Variants in ZBTB11 observed in about 807,000 individuals in gnomAD.
ZBTB11 encodes zinc finger and BTB domain containing 11.
A neutral mutation model predicts 113.1 loss-of-function variants in ZBTB11; 68 were observed. That is an observed-to-expected ratio of 0.60 (90% CI 0.49 to 0.74). The LOEUF is 0.74. Ranked by LOEUF, ZBTB11 falls within the 30% of genes least tolerant of loss-of-function variation. The probability of loss-of-function intolerance (pLI) is 0.00; values close to 1 mark genes in which losing one functional copy is unlikely to be tolerated. For missense variants in ZBTB11, 1,104 were observed against 1,279.4 expected (o/e 0.86, Z 2.09); for synonymous variants, 518 against 452.6 (o/e 1.14, Z -1.83).
At chr3:101,667,421 A>G (rs1362792282) in intron 3 of ZBTB11, among the ~76,000 whole-genome samples, 2 of 152,194 alleles carry the variant, frequency 1.3e-5, no homozygotes, top group Admixed American at 6.5e-5. Context: ...TTCTAATACA[A>G]TAATTTATCT....
rs776610642 is a variant in ZBTB11, at chr3:101,652,895, T to C, written c.2353A>G (p.Met785Val). Residue 785 changes from methionine to valine, a missense_variant, in exon 9 of 11, where the codon ATG (methionine) becomes GTG (valine). Physicochemically the swap from Met to Val is conservative, Grantham distance 21. Transcript: ENST00000312938. ...FFEARDLRQHMNKHLGVKPFQ... is the reference protein window; with the variant it reads ...FFEARDLRQHVNKHLGVKPFQ... ...GGCTTCACACCAAGATGTTTGTTCA[T>C]GTGCTGGCGAAGATCTCTAGCTTCA... 1.2e-6 allele frequency: 2 copies of C among 1,613,796 alleles called. No individual in the cohort carries two copies. The highest frequency in any genetic ancestry group is 1.7e-5 in the Admixed American group (1 of 59,838).
rs139913060 is a variant in ZBTB11, at chr3:101,665,529, C to T, written c.1058G>A (p.Ser353Asn). 1.4e-5 allele frequency: 23 copies of T among 1,614,102 alleles called. No homozygotes were observed. The highest frequency in any genetic ancestry group is 6.8e-6 in the Non-Finnish European group (8 of 1,180,048). Residue 353 changes from serine to asparagine, a missense_variant, in exon 4 of 11, where the codon AGT (serine) becomes AAT (asparagine). Around this residue, in one of 5 missense-constraint regions of ZBTB11, gnomAD observed 535 missense variants for 518.6 expected, o/e 1.03. Coordinates refer to ENST00000312938, the MANE Select transcript of ZBTB11 (RefSeq NM_014415.4). ...ACAATCCCCAAGTTCAGTAGGTAAA[C>T]TTGTTGTGGTTCCCTCACTGCTAGC... ...PVASSEGTTT[S>N]LPTELGDCEI...
chr3:101,664,816 C>G, intron 4 of ZBTB11, 102 bp from the exon 5 acceptor site: 1 of 1,464,058 alleles, frequency 6.8e-7, no homozygotes, highest in Non-Finnish European at 9.2e-7. Context: ...TTCACATTAT[C>G]TTATTAATAC....
intron 8 of ZBTB11, among the ~76,000 whole-genome samples, chr3:101,653,370 T>G (rs1936739370): frequency 6.6e-6 from 1 of 152,156 alleles, no homozygotes; most frequent in Non-Finnish European, 1.5e-5. Flanking sequence ...CTTAACTTGA[T>G]GTAAATGGAG....
intron 3 of ZBTB11, among the ~76,000 whole-genome samples, chr3:101,669,734 T>A (rs961031528): frequency 6.6e-5 from 10 of 152,176 alleles, no homozygotes; most frequent in Admixed American, 6.5e-4. Context: ...CTCCAAAAAG[T>A]TTTTGCTCAT....
rs1363487286 is a variant in ZBTB11, at chr3:101,665,036, A to G, written c.1551T>C (p.Tyr517=). The change falls in exon 4 of 11, where the codon TAT becomes TAC. Residue 517 remains tyrosine (Y), a synonymous_variant. Coordinates refer to ENST00000312938, the MANE Select transcript of ZBTB11 (RefSeq NM_014415.4). ...TCTCCATTCCCTTGTGTAGTCGAAT[A>G]TATGCCCCTTCATTAACAGAACGTT... ...LRQRSVNEGA[Y]IRLHKGMEKK... The G allele has an allele frequency of 6.2e-7, 1 of 1,614,072 alleles. No homozygotes were observed. Among genetic ancestry groups the G allele is most frequent in the Non-Finnish European group, 8.5e-7 (1 of 1,180,024 alleles).
chr3:101,659,071 T>G (rs1214095283), intron 6 of ZBTB11, among the ~76,000 whole-genome samples: 1 of 152,052 alleles, frequency 6.6e-6, no homozygotes, highest in Non-Finnish European at 1.5e-5. Flanking sequence ...AGGCCCCATC[T>G]CCACAAAATT....
At chr3:101,676,399 G>A in intron 1 of ZBTB11, 1 of 518,198 alleles carries the variant, frequency 1.9e-6, no homozygotes, top group Non-Finnish European at 3.1e-6. Context: ...CAGGGCCAGG[G>A]CCCGCCCCCA....
Position 101,671,959 on chromosome 3 carries a change from A to C in ZBTB11, c.546+19T>G. ...ACACTAGTTACAAATCTTAAAGCTG[A>C]CTGGAGAGTACCACTTACAAACACA... On this transcript the variant is annotated intron_variant, in intron 2 of 10. Coordinates refer to ENST00000312938, the MANE Select transcript of ZBTB11 (RefSeq NM_014415.4). The C allele has an allele frequency of 6.3e-7, 1 of 1,586,858 alleles. No homozygotes were observed. The highest frequency in any genetic ancestry group is 8.7e-7 in the Non-Finnish European group (1 of 1,155,144).
Position 101,664,805 on chromosome 3 carries a change from A to G in ZBTB11, c.1624-91T>C, listed in dbSNP as rs940593050. ...TAAATTTCTAACAAAAAGATTTCAA[A>G]TTCACATTATCTTATTAATACTGGC... On this transcript the variant is annotated intron_variant, in intron 4 of 10. Coordinates refer to ENST00000312938, the MANE Select transcript of ZBTB11 (RefSeq NM_014415.4). The G allele has an allele frequency of 8.1e-6, 12 of 1,481,006 alleles. No homozygotes were observed. In the African/African-American group the frequency reaches 1.6e-4, roughly 19 times the overall value. 91.7% of individuals were successfully genotyped at this position (1,481,006 alleles called of 1,614,324 possible). A position where few individuals can be genotyped will look rare whatever the true frequency, so the allele number is the denominator to read the frequency against.
chr3:101,654,045 T>G lies in ZBTB11; in HGVS notation c.2309+659A>C, dbSNP rs371711600. 3.2e-4 allele frequency among the ~76,000 whole-genome samples: 48 copies of G among 148,190 alleles called. 1 individual carries two copies. The highest frequency in any genetic ancestry group is 1.2e-3 in the African/African-American group (47 of 40,760). ...CCCACACTACCACCCTAAAATGACT[T>G]TTTTTTTTTTTTGAGGCGGAGACTC... On this transcript the variant is annotated intron_variant, in intron 8 of 10. Coordinates refer to ENST00000312938, the MANE Select transcript of ZBTB11 (RefSeq NM_014415.4).
chr3:101,676,618 C>T lies in ZBTB11; in HGVS notation c.297G>A (p.Thr99=), dbSNP rs764338540. 2.6e-6 allele frequency: 4 copies of T among 1,510,662 alleles called. No individual in the cohort carries two copies. In the South Asian group the frequency reaches 3.9e-5, roughly 15 times the overall value. The allele number at this position is 1,510,662 out of a possible 1,614,324, so 93.6% of individuals were successfully genotyped here. A position where few individuals can be genotyped will look rare whatever the true frequency, so the allele number is the denominator to read the frequency against. The change falls in exon 1 of 11, where the codon ACG becomes ACA. Residue 99 remains threonine (T), a synonymous_variant. Coordinates refer to ENST00000312938, the MANE Select transcript of ZBTB11 (RefSeq NM_014415.4). ...GCTAGGTCTCACCTCGCCACCAGTA[C>T]GTCTTGGACAAGTAGTGCCAGGTCT... ...RHQTWHYLSK[T]YWWRGILKQV... is the part of the protein sequence containing the mutation.
intron 3 of ZBTB11, among the ~76,000 whole-genome samples, chr3:101,670,030 G>A (rs1937063418): frequency 6.6e-6 from 1 of 152,008 alleles, no homozygotes; most frequent in Non-Finnish European, 1.5e-5. Flanking sequence ...GTTTCTCCAT[G>A]TTGATCAGGC....
intron 5 of ZBTB11, among the ~76,000 whole-genome samples, chr3:101,662,416 G>A (rs1274543137): frequency 6.6e-6 from 1 of 152,172 alleles, no homozygotes; most frequent in Non-Finnish European, 1.5e-5. Flanking sequence ...CCTGAGGTCA[G>A]GAGTTCGAGA....
In ZBTB11 at chr3:101,654,754, G is replaced by C; in HGVS notation, c.2259C>G (p.His753Gln). Residue 753 changes from histidine to glutamine, a missense_variant, in exon 8 of 11, where the codon CAC (histidine) becomes CAG (glutamine). Physicochemically the swap from His to Gln is conservative, Grantham distance 24. This residue lies in a region of ZBTB11 where 535 missense variants were observed against 518.6 expected (regional missense o/e 1.03). Transcript: ENST00000312938. ...CAGGCTTTGGTTGGTGTTTCTTGAA[G>C]TGCTTGCTGAGTCCAGAGCCCCTAT... Reference protein sequence around the residue: ...SFHRGSGLSKHFKKHQPKPEV... With the variant: ...SFHRGSGLSKQFKKHQPKPEV... 6.2e-7 allele frequency: 1 copy of C among 1,614,186 alleles called. No individual in the cohort carries two copies. The highest frequency in any genetic ancestry group is 8.5e-7 in the Non-Finnish European group (1 of 1,180,030).
At chr3:101,664,820 T>C in intron 4 of ZBTB11, 106 bp from the exon 5 acceptor site, 1 of 1,465,650 alleles carries the variant, frequency 6.8e-7, no homozygotes, top group South Asian at 1.4e-5. Flanking sequence ...CATTATCTTA[T>C]TAATACTGGC....
Position 101,651,604 on chromosome 3 carries a change from A to G in ZBTB11, c.2724T>C (p.His908=). The change falls in exon 11 of 11, where the codon CAT becomes CAC. Residue 908 remains histidine, a synonymous_variant. Transcript: ENST00000312938. The part of the protein sequence containing the change: ...ARSLKRHVRT[H]TGERPYVCPV... ...GACAGACATAGGGCCGTTCACCAGTATGTGTTCTGACATGGCGTTTTAGAG... is the reference window on the plus strand; with the variant it reads ...GACAGACATAGGGCCGTTCACCAGTGTGTGTTCTGACATGGCGTTTTAGAG... The G allele has an allele frequency of 1.2e-6, 2 of 1,607,184 alleles. No homozygotes were observed. The highest frequency in any genetic ancestry group is 2.3e-5 in the East Asian group (1 of 44,200).
intron 10 of ZBTB11, 132 bp from the exon 11 acceptor site, chr3:101,651,815 T>A: frequency 1.0e-6 from 1 of 964,374 alleles, no homozygotes; most frequent in Admixed American, 3.5e-5. Context: ...GTGGCAATCT[T>A]TTATTTAGGA....
rs1193547904 is a variant in ZBTB11 at position 101,676,898 on chromosome 3, C to T, written c.17G>A (p.Ser6Asn). Residue 6 changes from serine to asparagine, a missense_variant, in exon 1 of 11, where the codon AGC (serine) becomes AAC (asparagine). Physicochemically the swap from Ser to Asn is conservative, Grantham distance 46. Transcript: ENST00000312938. ...CAGGTAACGCAGGATGGCCCGGTAGCTTTCCTCGCTTGACATCGCGGACCG... is the reference window on the plus strand; with the variant it reads ...CAGGTAACGCAGGATGGCCCGGTAGTTTTCCTCGCTTGACATCGCGGACCG... MSSEESYRAILRYLTN... is the reference protein window; with the variant it reads MSSEENYRAILRYLTN... 6.3e-7 allele frequency: 1 copy of T among 1,577,508 alleles called. No individual in the cohort carries two copies. The highest frequency in any genetic ancestry group is 8.6e-7 in the Non-Finnish European group (1 of 1,157,310).
Sources: gnomAD v4.1 joint callset for allele counts (sites outside exome capture counted in the v4.1 genomes callset) on GRCh38, gnomAD v4.1.1 for gene constraint, gnomAD v4.1.1 regional missense constraint, MANE v1.5 for transcripts, NCBI Gene and HGNC (gene_info 2026-07-23, HGNC 2026-07-21) for gene names.